NMNAT2: variants seen among roughly 807,000 people sequenced by gnomAD.
NMNAT2 encodes nicotinamide/nicotinic acid mononucleotide adenylyltransferase 2.
A neutral mutation model predicts 41.6 loss-of-function variants in NMNAT2; 11 were observed. That is an observed-to-expected ratio of 0.26 (90% confidence interval 0.17 to 0.44). The LOEUF (loss-of-function observed/expected upper bound fraction) is 0.44, where lower values mean the gene tolerates loss of function less well. NMNAT2 is among the 20% of genes least tolerant of loss of function. NMNAT2 has a pLI of 1.00. For missense variants in NMNAT2, 288 were observed against 407.7 expected, an observed-to-expected ratio of 0.71 and a Z score of 2.53; for synonymous variants, 148 against 151.2, an observed-to-expected ratio of 0.98 and a Z score of 0.16.
rs558197996 is a variant in NMNAT2 at position 183,278,966 on chromosome 1, C to G, written c.575-337G>C. 1.1e-4 allele frequency among the ~76,000 whole-genome samples: 17 copies of G among 152,310 alleles called. No individual in the cohort carries two copies. In the South Asian group the frequency reaches 3.5e-3, roughly 32 times the overall value. The stretch of plus-strand genomic sequence containing the variant: ...GTTCATTATTGTAACTGTGGCTGAG[C>G]CAGCTACGCATCTTGTCTAAGGTCT... On this transcript the variant is annotated intron_variant, in intron 7 of 10. Transcript: ENST00000287713.
intron 1 of NMNAT2, among the ~76,000 whole-genome samples, chr1:183,398,270 G>C (rs1648712137): frequency 6.6e-6 from 1 of 152,092 alleles, no homozygotes; most frequent in Non-Finnish European, 1.5e-5. Flanking sequence ...CCTAGTCTCT[G>C]ATAAAACAAA....
At chr1:183,328,341 G>A (rs12750586) in intron 1 of NMNAT2, among the ~76,000 whole-genome samples, 68,175 of 152,062 alleles carry the variant, frequency 0.45, 16,298 homozygotes, top group East Asian at 0.78. Context: ...AGCAAAATAC[G>A]GACCCTCAGA....
At chr1:183,345,938 G>A (rs1662919859) in intron 1 of NMNAT2, among the ~76,000 whole-genome samples, 1 of 152,004 alleles carries the variant, frequency 6.6e-6, no homozygotes, top group African/African-American at 2.4e-5. Context: ...TGCCTGCCTC[G>A]GCCTCCCAAA....
intron 8 of NMNAT2, among the ~76,000 whole-genome samples, chr1:183,267,715 CTATT>C (rs1227118134): frequency 6.6e-6 from 1 of 152,116 alleles, no homozygotes; most frequent in Non-Finnish European, 1.5e-5. Context: ...TGGAACTGAA[CTATT>C]TTTCTGCTCG....
At chr1:183,362,338 C>A (rs1663323360) in intron 1 of NMNAT2, among the ~76,000 whole-genome samples, 1 of 152,148 alleles carries the variant, frequency 6.6e-6, no homozygotes. Flanking sequence ...CAGAGTTGTG[C>A]AACCATCACC....
rs531994392 is a variant in NMNAT2 at position 183,293,573 on chromosome 1, T to G, written c.174+132A>C. ...TGAGATGGGAAGCAGGATAGACGCA[T>G]GGACCTGGGCATTTTGTGTTTCCAG... On this transcript the variant is annotated intron_variant, in intron 2 of 10. Transcript: ENST00000287713. The G allele has an allele frequency of 1.2e-4, 88 of 709,838 alleles. No homozygotes were observed. The African/African-American group carries it at 1.4e-3, about 12-fold the overall frequency. The allele number at this position is 709,838 out of a possible 1,614,324, so 44.0% of individuals were successfully genotyped here.
chr1:183,399,927 C>T (rs1648763734), intron 1 of NMNAT2, among the ~76,000 whole-genome samples: 1 of 152,190 alleles, frequency 6.6e-6, no homozygotes, highest in African/African-American at 2.4e-5. Flanking sequence ...ATAATAAGAG[C>T]TATTTATGAC....
At chr1:183,305,102 A>AG (rs1252863717) in intron 1 of NMNAT2, among the ~76,000 whole-genome samples, 7 of 146,622 alleles carry the variant, frequency 4.8e-5, no homozygotes, top group Non-Finnish European at 7.4e-5. Context: ...TTGTTGAAAA[A>AG]GCCTTTTTTT....
At chr1:183,347,589 A>G (rs74129749) in intron 1 of NMNAT2, among the ~76,000 whole-genome samples, 1,963 of 152,312 alleles carry the variant, frequency 0.013, 47 homozygotes, top group African/African-American at 0.045. Flanking sequence ...GCACTCTAAA[A>G]GTGTTTGCTG....
At chr1:183,403,802 T>C (rs1648882694) in intron 1 of NMNAT2, among the ~76,000 whole-genome samples, 1 of 152,204 alleles carries the variant, frequency 6.6e-6, no homozygotes, top group African/African-American at 2.4e-5. Flanking sequence ...GAAAAGTTGA[T>C]TTAATGCAGC....
In NMNAT2 at chr1:183,404,446, T is replaced by A. The variant is rs747443239; in HGVS notation, c.85+13737A>T. On this transcript the variant is annotated intron_variant, in intron 1 of 10. Coordinates refer to ENST00000287713, the MANE Select transcript of NMNAT2 (RefSeq NM_015039.4). Reference sequence around the variant, plus strand: ...GTGCCATATTAAGGGGGAATGCATATGCTTAGAAATACTGGAAGCATTTCC... The same window carrying A: ...GTGCCATATTAAGGGGGAATGCATAAGCTTAGAAATACTGGAAGCATTTCC... 2.6e-5 allele frequency among the ~76,000 whole-genome samples: 4 copies of A among 152,324 alleles called. No homozygotes were observed. In the South Asian group the frequency reaches 8.3e-4, roughly 32 times the overall value.
At chr1:183,348,593 C>A (rs1662981967) in intron 1 of NMNAT2, among the ~76,000 whole-genome samples, 2 of 152,110 alleles carry the variant, frequency 1.3e-5, no homozygotes, top group East Asian at 1.9e-4. Context: ...TACATCAGAC[C>A]AGCCTTGCAG....
chr1:183,411,397 C>CTA (rs1360154568), intron 1 of NMNAT2, among the ~76,000 whole-genome samples: 1 of 152,270 alleles, frequency 6.6e-6, no homozygotes, highest in African/African-American at 2.4e-5. Flanking sequence ...TCACTGCAAC[C>CTA]TCCACCTCTG....
At chr1:183,363,788 G>A (rs184800976) in intron 1 of NMNAT2, among the ~76,000 whole-genome samples, 138 of 152,280 alleles carry the variant, frequency 9.1e-4, no homozygotes, top group African/African-American at 3.1e-3. Context: ...GCTTGAGAGG[G>A]TTGGATAACA....
rs1240012729 is a variant in NMNAT2 at position 183,249,263 on chromosome 1, T to G, written c.*3378A>C. The G allele has an allele frequency of 6.6e-6, 1 of 152,124 alleles. No individual in the cohort carries two copies. Among genetic ancestry groups the G allele is most frequent in the East Asian group, 1.9e-4 (1 of 5,176 alleles). 9.4% of individuals were successfully genotyped at this position (152,124 alleles called of 1,614,324 possible). A position where few individuals can be genotyped will look rare whatever the true frequency, so the allele number is the denominator to read the frequency against. On this transcript the variant is annotated 3_prime_UTR_variant, in exon 11 of 11. Transcript: ENST00000287713. ...GAGGCTGCCTGGGGTTGGGGGTGTG[T>G]GACTGAGGTACCCACTAGCAGCACA...
intron 2 of NMNAT2, 93 bp downstream of exon 2, chr1:183,293,612 G>T: frequency 1.1e-6 from 1 of 888,640 alleles, no homozygotes; most frequent in Non-Finnish European, 1.9e-6. Flanking sequence ...TCTTAGCAGA[G>T]ACAGAGCGGG....
chr1:183,399,245 A>G (rs1648742308), intron 1 of NMNAT2, among the ~76,000 whole-genome samples: 2 of 144,642 alleles, frequency 1.4e-5, no homozygotes, highest in Admixed American at 7.1e-5. Flanking sequence ...CACCAATCCC[A>G]CGGAAATACA....
intron 1 of NMNAT2, among the ~76,000 whole-genome samples, chr1:183,296,245 C>T (rs1378713979): frequency 6.6e-6 from 1 of 152,076 alleles, no homozygotes; most frequent in Non-Finnish European, 1.5e-5. Context: ...TTGCTGCTTC[C>T]AGTTTTTAGT....
At chr1:183,388,301 G>A (rs1272530486) in intron 1 of NMNAT2, among the ~76,000 whole-genome samples, 3 of 151,858 alleles carry the variant, frequency 2.0e-5, no homozygotes, top group East Asian at 3.9e-4. Flanking sequence ...GGGAAAAAAA[G>A]GTGAAACCTT....
Sources: allele counts gnomAD v4.1 joint callset (sites outside exome capture counted in the v4.1 genomes callset), GRCh38; gene constraint gnomAD v4.1.1; transcripts MANE v1.5; gene names NCBI Gene and HGNC (gene_info 2026-07-23, HGNC 2026-07-21).